Variants in CSMD2 observed in about 807,000 individuals in gnomAD.
CSMD2 encodes CUB and Sushi multiple domains 2.
A neutral mutation model predicts 398.5 loss-of-function variants in CSMD2; 130 were observed. The observed-to-expected ratio is 0.33, with a 90% confidence interval of 0.28 to 0.38. CSMD2 has a LOEUF of 0.38. CSMD2 is among the 10% of genes least tolerant of loss of function. The pLI, the probability that CSMD2 is intolerant of heterozygous loss-of-function variation, is 1.00. For missense variants in CSMD2, 3,829 were observed against 4,764.9 expected, an observed-to-expected ratio of 0.80 and a Z score of 5.78; for synonymous variants, 1,828 against 1,908.5, an observed-to-expected ratio of 0.96 and a Z score of 1.10.
chr1:34,066,788 GCT>G (rs1655165484), intron 2 of CSMD2, among the ~76,000 whole-genome samples: 1 of 152,146 alleles, frequency 6.6e-6, no homozygotes, highest in Admixed American at 6.5e-5. Flanking sequence ...GTCCTGTGCC[GCT>G]CTCTGGGAAA....
intron 1 of CSMD2, among the ~76,000 whole-genome samples, chr1:34,118,721 G>A (rs1661856308): frequency 6.6e-6 from 1 of 152,106 alleles, no homozygotes; most frequent in South Asian, 2.1e-4. Context: ...GCTTTACTGA[G>A]GAGGCAAAAG....
intron 3 of CSMD2, among the ~76,000 whole-genome samples, chr1:33,942,125 CTAT>C (rs1223052489): frequency 6.6e-6 from 1 of 152,198 alleles, no homozygotes; most frequent in Non-Finnish European, 1.5e-5. Context: ...GAGAGAGGTG[CTAT>C]TATTATCATC....
chr1:34,102,018 T>C (rs549350954), intron 1 of CSMD2, among the ~76,000 whole-genome samples: 5 of 149,498 alleles, frequency 3.3e-5, no homozygotes, highest in Non-Finnish European at 7.4e-5. Context: ...AGATTTCCCA[T>C]GTAGATTAAA....
chr1:33,617,559 G>C lies in CSMD2; in HGVS notation c.5886C>G (p.Gly1962=), dbSNP rs752267359. Residue 1962 remains glycine (G), a synonymous_variant, in exon 38 of 71, where the codon GGC becomes GGG. Coordinates refer to ENST00000373381, the MANE Select transcript of CSMD2 (RefSeq NM_001281956.2). The stretch of plus-strand genomic sequence containing the variant: ...CCACATCATTCACCAAGTAGCGCTC[G>C]CCAGTCTTCACCCCGTTACTGGGCA... ...PAVPSNGVKT[G]ERYLVNDVVS... is the part of the protein sequence containing the mutation. The C allele has an allele frequency of 6.2e-7, 1 of 1,613,936 alleles. No homozygotes were observed. Among genetic ancestry groups the C allele is most frequent in the East Asian group, 2.2e-5 (1 of 44,888 alleles).
At chr1:33,540,827 G>T in intron 59 of CSMD2, 129 bp from the exon 60 acceptor site, 1 of 1,029,056 alleles carries the variant, frequency 9.7e-7, no homozygotes. Context: ...AACCAGAATG[G>T]GGCCCTCTTA....
chr1:33,743,395 G>T lies in CSMD2; in HGVS notation c.2058C>A (p.Gly686=), dbSNP rs74349751. The T allele has an allele frequency of 1.5e-3, 2,462 of 1,614,190 alleles. 23 individuals carry two copies. In the African/African-American group the frequency reaches 0.028, roughly 18 times the overall value. ...AGGGAAGCTGGTTTCCTGAGAAGGTGCCCAGGACGGGCGCCTCGGCGGTGG... is the reference window on the plus strand; with the variant it reads ...AGGGAAGCTGGTTTCCTGAGAAGGTTCCCAGGACGGGCGCCTCGGCGGTGG... The part of the protein sequence containing the change: ...DGATAEAPVL[G]TFSGNQLPSS... Residue 686 remains glycine, a synonymous_variant, in exon 14 of 71, where the codon GGC becomes GGA. Coordinates refer to ENST00000373381, the MANE Select transcript of CSMD2 (RefSeq NM_001281956.2).
At chr1:33,842,704 C>A (rs6682867) in intron 6 of CSMD2, among the ~76,000 whole-genome samples, 9,251 of 152,204 alleles carry the variant, frequency 0.061, 889 homozygotes, top group African/African-American at 0.2. Context: ...ATAAACCTTT[C>A]TGGACACTGA....
At chr1:34,094,614 C>A (rs1326896806) in intron 1 of CSMD2, among the ~76,000 whole-genome samples, 2 of 148,126 alleles carry the variant, frequency 1.4e-5, no homozygotes, top group Non-Finnish European at 3.0e-5. Flanking sequence ...CAATCCTAGT[C>A]TCTGATAAAA....
chr1:33,639,933 A>G (rs755745730), intron 29 of CSMD2, among the ~76,000 whole-genome samples: 1 of 152,198 alleles, frequency 6.6e-6, no homozygotes, highest in Non-Finnish European at 1.5e-5. Flanking sequence ...GGTTATGCTC[A>G]TGTTCAGTTT....
At chr1:33,968,568 T>C (rs976506110) in intron 3 of CSMD2, among the ~76,000 whole-genome samples, 9 of 152,226 alleles carry the variant, frequency 5.9e-5, no homozygotes, top group African/African-American at 9.6e-5. Flanking sequence ...TGGCAAGGAA[T>C]TGAAGTTGGC....
At chr1:34,031,638 G>A (rs1468666536) in intron 3 of CSMD2, among the ~76,000 whole-genome samples, 3 of 151,862 alleles carry the variant, frequency 2.0e-5, no homozygotes, top group Non-Finnish European at 4.4e-5. Context: ...TGCTAAGGAG[G>A]CAGAACTTGT....
intron 55 of CSMD2, among the ~76,000 whole-genome samples, chr1:33,557,283 C>G (rs1037769449): frequency 6.6e-6 from 1 of 152,178 alleles, no homozygotes; most frequent in African/African-American, 2.4e-5. Flanking sequence ...AGTAGCAAAG[C>G]CAGAATTCCA....
At chr1:33,662,199 C>G (rs1644159547) in intron 26 of CSMD2, among the ~76,000 whole-genome samples, 1 of 152,126 alleles carries the variant, frequency 6.6e-6, no homozygotes, top group Middle Eastern at 3.2e-3. Flanking sequence ...ATTGCAGTGC[C>G]TAATTAATTA....
intron 2 of CSMD2, among the ~76,000 whole-genome samples, chr1:34,057,628 C>T (rs1258488293): frequency 6.6e-6 from 1 of 152,176 alleles, no homozygotes; most frequent in African/African-American, 2.4e-5. Context: ...GCCTCCGCCT[C>T]TTGGCCACCG....
intron 13 of CSMD2, among the ~76,000 whole-genome samples, chr1:33,745,815 A>G (rs761512357): frequency 6.6e-6 from 1 of 152,208 alleles, no homozygotes; most frequent in Non-Finnish European, 1.5e-5. Context: ...GTTAATGGCA[A>G]TTATTATTAT....
chr1:34,147,291 A>T (rs181960052), intron 1 of CSMD2, among the ~76,000 whole-genome samples: 11 of 152,280 alleles, frequency 7.2e-5, no homozygotes, highest in Middle Eastern at 3.4e-3. Flanking sequence ...AAAGAAATAA[A>T]GAATAAAAAG....
chr1:34,146,606 C>A (rs942096962), intron 1 of CSMD2, among the ~76,000 whole-genome samples: 6 of 152,040 alleles, frequency 3.9e-5, no homozygotes, highest in African/African-American at 1.5e-4. Flanking sequence ...CCAAGCCAAG[C>A]AAAGATGCAG....
At chr1:33,879,219 G>A (rs533605603) in intron 5 of CSMD2, among the ~76,000 whole-genome samples, 4 of 152,192 alleles carry the variant, frequency 2.6e-5, no homozygotes, top group Admixed American at 1.3e-4. Flanking sequence ...TCCACTTGTC[G>A]AGTAGATTCT....
intron 25 of CSMD2, among the ~76,000 whole-genome samples, chr1:33,677,657 A>G (rs1003550689): frequency 6.6e-6 from 1 of 152,160 alleles, no homozygotes; most frequent in Non-Finnish European, 1.5e-5. Flanking sequence ...ACACATGCAC[A>G]TGTATGTTTA....
Sources: gnomAD v4.1 joint callset for allele counts (sites outside exome capture counted in the v4.1 genomes callset) on GRCh38, gnomAD v4.1.1 for gene constraint, MANE v1.5 for transcripts, NCBI Gene and HGNC (gene_info 2026-07-23, HGNC 2026-07-21) for gene names.